MARCHF1: variants seen among roughly 807,000 people sequenced by gnomAD.
MARCHF1 encodes the protein membrane associated ring-CH-type finger 1.
MARCHF1 carries 40 observed loss-of-function variants against 54.2 expected under a neutral mutation model. The observed-to-expected ratio is 0.74, with a 90% confidence interval of 0.57 to 0.96. The LOEUF (loss-of-function observed/expected upper bound fraction) is 0.96, where lower values mean the gene tolerates loss of function less well. Among genes scored for constraint, MARCHF1 ranks in the 40% least tolerant of loss-of-function variants. The pLI is 0.00. For missense variants in MARCHF1, 586 were observed against 656.5 expected (o/e 0.89, Z 1.17); for synonymous variants, 236 against 236.3 (o/e 1.00, Z 0.01).
chr4:163,913,242 A>G (rs991175141), intron 3 of MARCHF1, among the ~76,000 whole-genome samples: 1 of 152,200 alleles, frequency 6.6e-6, no homozygotes, highest in African/African-American at 2.4e-5. Context: ...TGCATAATGT[A>G]CTTGAACACT....
chr4:164,109,413 A>T (rs2111178010), intron 2 of MARCHF1, among the ~76,000 whole-genome samples: 1 of 152,124 alleles, frequency 6.6e-6, no homozygotes. Flanking sequence ...TATACTTTTT[A>T]AAAAATCATT....
intron 9 of MARCHF1, among the ~76,000 whole-genome samples, chr4:163,541,971 G>T (rs974266706): frequency 1.3e-5 from 2 of 152,198 alleles, no homozygotes; most frequent in African/African-American, 2.4e-5. Flanking sequence ...AGTCACTATG[G>T]TTTCCATTTG....
intron 1 of MARCHF1, among the ~76,000 whole-genome samples, chr4:164,200,955 G>C (rs1177700320): frequency 6.6e-6 from 1 of 152,098 alleles, no homozygotes; most frequent in Non-Finnish European, 1.5e-5. Flanking sequence ...CCACGAGGTG[G>C]AAACAGACTA....
At chr4:163,972,187 G>A (rs2110841139) in intron 3 of MARCHF1, among the ~76,000 whole-genome samples, 1 of 152,168 alleles carries the variant, frequency 6.6e-6, no homozygotes, top group Non-Finnish European at 1.5e-5. Context: ...ATCACATACT[G>A]GAGCCTATCA....
Position 163,526,271 on chromosome 4 carries a change from C to T in MARCHF1, c.*2477G>A, listed in dbSNP as rs1268045662. ...GGCTTTATTTTAGCCGATCATCCTC[C>T]ACTGTGAAATCAGCCCTGCAACGTA... On this transcript the variant is annotated 3_prime_UTR_variant, in exon 10 of 10. Coordinates refer to ENST00000514618, the MANE Select transcript of MARCHF1 (RefSeq NM_001394959.1). 6.6e-6 allele frequency: 1 copy of T among 152,046 alleles called. No individual in the cohort carries two copies. Among genetic ancestry groups the T allele is most frequent in the Non-Finnish European group, 1.5e-5 (1 of 67,958 alleles). 9.4% of individuals were successfully genotyped at this position (152,046 alleles called of 1,614,324 possible).
intron 1 of MARCHF1, among the ~76,000 whole-genome samples, chr4:164,134,880 T>C (rs1756370429): frequency 6.6e-6 from 1 of 151,530 alleles, no homozygotes; most frequent in African/African-American, 2.4e-5. Flanking sequence ...TTAAGTTTAA[T>C]TGAGCAACTA....
intron 3 of MARCHF1, among the ~76,000 whole-genome samples, chr4:163,890,806 G>A (rs1750645521): frequency 6.6e-6 from 1 of 151,948 alleles, no homozygotes; most frequent in Non-Finnish European, 1.5e-5. Context: ...ACCGGAACCC[G>A]GCCTCCCCAG....
chr4:163,907,357 T>C (rs1268908086), intron 3 of MARCHF1, among the ~76,000 whole-genome samples: 1 of 152,000 alleles, frequency 6.6e-6, no homozygotes. Context: ...AAAATGTAAG[T>C]AGGAAACAGG....
At chr4:164,005,713 T>C (rs1753271713) in intron 2 of MARCHF1, among the ~76,000 whole-genome samples, 1 of 152,008 alleles carries the variant, frequency 6.6e-6, no homozygotes, top group Admixed American at 6.6e-5. Context: ...GGGACTACCA[T>C]CCCCAGGCTT....
At chr4:163,566,230 C>T (rs147383522) in intron 8 of MARCHF1, among the ~76,000 whole-genome samples, 4 of 152,332 alleles carry the variant, frequency 2.6e-5, no homozygotes, top group Non-Finnish European at 4.4e-5. Flanking sequence ...TCAACACTGT[C>T]GCATGCTGCG....
At chr4:164,052,136 T>TG (rs1186967934) in intron 2 of MARCHF1, among the ~76,000 whole-genome samples, 17 of 57,766 alleles carry the variant, frequency 2.9e-4, no homozygotes, top group East Asian at 1.2e-3. Context: ...CTTTTGGAAG[T>TG]TTTTTTTTTT....
At chr4:163,944,121 T>G (rs1037316043) in intron 3 of MARCHF1, among the ~76,000 whole-genome samples, 2 of 141,624 alleles carry the variant, frequency 1.4e-5, no homozygotes, top group African/African-American at 5.2e-5. Flanking sequence ...CACCTGTCAC[T>G]GCACCGGGCT....
chr4:163,840,691 C>A (rs1387410342), intron 4 of MARCHF1, among the ~76,000 whole-genome samples: 2 of 152,020 alleles, frequency 1.3e-5, no homozygotes, highest in Non-Finnish European at 2.9e-5. Context: ...ATTCAGTAAT[C>A]TAATGTAAGC....
chr4:163,839,494 G>C (rs1337392040), intron 4 of MARCHF1, among the ~76,000 whole-genome samples: 1 of 151,962 alleles, frequency 6.6e-6, no homozygotes, highest in Non-Finnish European at 1.5e-5. Flanking sequence ...TAATAAAATA[G>C]GTTGTATTCA....
intron 1 of MARCHF1, among the ~76,000 whole-genome samples, chr4:164,170,835 T>C (rs1291393731): frequency 6.6e-6 from 1 of 152,162 alleles, no homozygotes; most frequent in Non-Finnish European, 1.5e-5. Flanking sequence ...TGAGAAGAAA[T>C]GTGATCAGAA....
At chr4:163,811,680 GA>G (rs1287776276) in intron 4 of MARCHF1, among the ~76,000 whole-genome samples, 2 of 152,092 alleles carry the variant, frequency 1.3e-5, no homozygotes, top group African/African-American at 2.4e-5. Flanking sequence ...AATTTTATTA[GA>G]AAAAAGTAGG....
At chr4:163,571,614 T>C (rs1325934607) in intron 8 of MARCHF1, among the ~76,000 whole-genome samples, 3 of 152,156 alleles carry the variant, frequency 2.0e-5, no homozygotes, top group Non-Finnish European at 4.4e-5. Context: ...ACTTTGTTTA[T>C]TGATAAAAAT....
intron 4 of MARCHF1, among the ~76,000 whole-genome samples, chr4:163,714,538 G>T (rs1025658205): frequency 1.3e-5 from 2 of 152,108 alleles, no homozygotes; most frequent in Admixed American, 1.3e-4. Flanking sequence ...CACAATACCT[G>T]CCTGGAATAT....
Position 163,762,704 on chromosome 4 carries a change from A to G in MARCHF1, c.112-61841T>C, listed in dbSNP as rs559021656. 3.3e-5 allele frequency among the ~76,000 whole-genome samples: 5 copies of G among 152,116 alleles called. No homozygotes were observed. The South Asian group carries it at 1.0e-3, about 31-fold the overall frequency. Reference sequence around the variant, plus strand: ...TAATTAGTAATCAAAAATTTACATAATGTATCTATGATGCATTTGCTGAGC... The same window carrying G: ...TAATTAGTAATCAAAAATTTACATAGTGTATCTATGATGCATTTGCTGAGC... On this transcript the variant is annotated intron_variant, in intron 4 of 9. Coordinates refer to ENST00000514618, the MANE Select transcript of MARCHF1 (RefSeq NM_001394959.1).
Sources: allele counts gnomAD v4.1 joint callset (sites outside exome capture counted in the v4.1 genomes callset), GRCh38; gene constraint gnomAD v4.1.1; transcripts MANE v1.5; gene names NCBI Gene and HGNC (gene_info 2026-07-23, HGNC 2026-07-21).